Variants in OPCML observed in about 807,000 individuals in gnomAD.
OPCML encodes opioid binding protein/cell adhesion molecule like.
Under a neutral mutation model 37.8 loss-of-function variants are expected in OPCML, and 13 were observed. That is an observed-to-expected ratio of 0.34 (90% confidence interval 0.22 to 0.55). The LOEUF (loss-of-function observed/expected upper bound fraction) is 0.55. Ranked by LOEUF, OPCML falls within the 20% of genes least tolerant of loss-of-function variation. The probability of loss-of-function intolerance (pLI) is 0.91; values close to 1 mark genes in which losing one functional copy is unlikely to be tolerated. For missense variants in OPCML, 341 were observed against 435.6 expected (o/e 0.78, Z 1.93); for synonymous variants, 176 against 168.8 (o/e 1.04, Z -0.33).
At chr11:133,152,267 G>A (rs1474634530) in intron 1 of OPCML, among the ~76,000 whole-genome samples, 1 of 152,040 alleles carries the variant, frequency 6.6e-6, no homozygotes, top group Non-Finnish European at 1.5e-5. Context: ...TCAGCTCCCC[G>A]AAGAAAGCGG....
intron 1 of OPCML, among the ~76,000 whole-genome samples, chr11:133,261,333 T>C (rs1941489060): frequency 6.6e-6 from 1 of 152,198 alleles, no homozygotes; most frequent in African/African-American, 2.4e-5. Context: ...TCTCTTCCTT[T>C]AGAGACTGGA....
At chr11:133,203,352 G>A (rs1236532745) in intron 1 of OPCML, among the ~76,000 whole-genome samples, 1 of 152,174 alleles carries the variant, frequency 6.6e-6, no homozygotes, top group African/African-American at 2.4e-5. Context: ...ACTAAGAAGG[G>A]GGAGTTGAAT....
chr11:133,309,169 A>G (rs1449103410), intron 1 of OPCML, among the ~76,000 whole-genome samples: 1 of 152,182 alleles, frequency 6.6e-6, no homozygotes, highest in Non-Finnish European at 1.5e-5. Context: ...TCTCTCTACA[A>G]ATATTTACAA....
At chr11:132,486,464 A>G (rs1227386166) in intron 4 of OPCML, among the ~76,000 whole-genome samples, 2 of 152,020 alleles carry the variant, frequency 1.3e-5, no homozygotes, top group Non-Finnish European at 2.9e-5. Context: ...CCATACTTTT[A>G]TAATCTTTTT....
At chr11:132,422,397 A>C (rs1405562044) in intron 7 of OPCML, among the ~76,000 whole-genome samples, 1 of 152,112 alleles carries the variant, frequency 6.6e-6, no homozygotes, top group Non-Finnish European at 1.5e-5. Flanking sequence ...AAAGGAAATG[A>C]GTGTTTCTGG....
intron 1 of OPCML, among the ~76,000 whole-genome samples, chr11:133,376,923 A>T (rs1235552196): frequency 6.6e-6 from 1 of 152,216 alleles, no homozygotes; most frequent in Non-Finnish European, 1.5e-5. Context: ...ATCTTCATGC[A>T]TGTTTTGCAG....
chr11:132,730,334 A>G (rs1591528593), intron 2 of OPCML, among the ~76,000 whole-genome samples: 1 of 152,306 alleles, frequency 6.6e-6, no homozygotes, highest in Non-Finnish European at 1.5e-5. Flanking sequence ...ATATTAATTA[A>G]CTGTAGTGGA....
chr11:133,469,800 C>G (rs951014786), intron 1 of OPCML, among the ~76,000 whole-genome samples: 1 of 152,200 alleles, frequency 6.6e-6, no homozygotes, highest in Non-Finnish European at 1.5e-5. Flanking sequence ...TAGATCCTAC[C>G]TGGCACATGC....
chr11:133,380,011 C>T (rs1418509075), intron 1 of OPCML, among the ~76,000 whole-genome samples: 1 of 152,140 alleles, frequency 6.6e-6, no homozygotes, highest in Non-Finnish European at 1.5e-5. Flanking sequence ...TCTGCGTTTC[C>T]TCAACATTTA....
intron 3 of OPCML, among the ~76,000 whole-genome samples, chr11:132,593,054 G>T (rs1346882989): frequency 1.3e-5 from 2 of 152,160 alleles, no homozygotes; most frequent in Admixed American, 1.3e-4. Flanking sequence ...AGACAGTGAT[G>T]GGGTAATTAA....
intron 1 of OPCML, among the ~76,000 whole-genome samples, chr11:133,428,585 G>GA (rs1467273738): frequency 1.3e-5 from 2 of 151,796 alleles, no homozygotes; most frequent in South Asian, 4.2e-4. Flanking sequence ...AACAAAGCAG[G>GA]AAAAAAAGCA....
chr11:133,450,845 T>A (rs1304612959), intron 1 of OPCML, among the ~76,000 whole-genome samples: 1 of 151,684 alleles, frequency 6.6e-6, no homozygotes, highest in Non-Finnish European at 1.5e-5. Context: ...AACATTCAGA[T>A]CAAAGGTCTG....
At chr11:133,219,150 G>A (rs993450027) in intron 1 of OPCML, among the ~76,000 whole-genome samples, 6 of 152,304 alleles carry the variant, frequency 3.9e-5, no homozygotes, top group African/African-American at 1.2e-4. Flanking sequence ...AAGCATGACT[G>A]GGGAAGAAAC....
At chr11:133,327,897 C>T (rs2136640510) in intron 1 of OPCML, among the ~76,000 whole-genome samples, 1 of 152,248 alleles carries the variant, frequency 6.6e-6, no homozygotes, top group African/African-American at 2.4e-5. Context: ...GGTGCTCGCA[C>T]TGTAAATATG....
intron 2 of OPCML, among the ~76,000 whole-genome samples, chr11:132,682,735 T>C (rs944836435): frequency 6.6e-6 from 1 of 152,148 alleles, no homozygotes; most frequent in Non-Finnish European, 1.5e-5. Context: ...ATCTCAGCCA[T>C]GAGTAAAAGT....
At chr11:132,633,458 G>T (rs752649793) in intron 3 of OPCML, among the ~76,000 whole-genome samples, 1 of 152,118 alleles carries the variant, frequency 6.6e-6, no homozygotes, top group Non-Finnish European at 1.5e-5. Flanking sequence ...ATTAAAAGCC[G>T]GGAATGTGGT....
intron 2 of OPCML, among the ~76,000 whole-genome samples, chr11:132,727,662 G>C (rs1331590998): frequency 1.3e-5 from 2 of 152,170 alleles, no homozygotes; most frequent in Non-Finnish European, 2.9e-5. Context: ...AATTGGCCTA[G>C]GGTAGGTCCT....
At chr11:133,143,340 G>A (rs544553384) in intron 1 of OPCML, among the ~76,000 whole-genome samples, 3 of 152,244 alleles carry the variant, frequency 2.0e-5, no homozygotes, top group African/African-American at 7.2e-5. Flanking sequence ...TGAGAGTAAC[G>A]TGGCCATCCC....
chr11:132,486,279 G>A (rs2096199587), intron 4 of OPCML, among the ~76,000 whole-genome samples: 1 of 152,194 alleles, frequency 6.6e-6, no homozygotes, highest in African/African-American at 2.4e-5. Context: ...ATGAAGGAGT[G>A]ATGCACCTAT....
Sources: gnomAD v4.1 joint callset for allele counts (sites outside exome capture counted in the v4.1 genomes callset) on GRCh38, gnomAD v4.1.1 for gene constraint, MANE v1.5 for transcripts, NCBI Gene and HGNC (gene_info 2026-07-23, HGNC 2026-07-21) for gene names.